The following UNC13B variants were observed in gnomAD, a reference collection of about 807,000 sequenced individuals.
UNC13B encodes protein unc-13 homolog B.
A neutral mutation model predicts 211.0 loss-of-function variants in UNC13B; 144 were observed. The ratio of observed to expected loss-of-function variants is 0.68; its 90% CI spans 0.60 to 0.78. The LOEUF is 0.78. UNC13B is among the 30% of genes least tolerant of loss of function. The probability of loss-of-function intolerance (pLI) is 0.00; values close to 1 mark genes in which losing one functional copy is unlikely to be tolerated. For synonymous variants in UNC13B, 709 were observed against 725.8 expected (o/e 0.98, Z 0.37); for missense variants, 1,777 against 2,002.0 (o/e 0.89, Z 2.14).
chr9:35,306,822 T>C lies in UNC13B; in HGVS notation c.7418T>C (p.Ile2473Thr), dbSNP rs1829947638. Residue 2473 changes from isoleucine (I) to threonine (T), a missense_variant, in exon 9 of 40, where the codon ATT (isoleucine) becomes ACT (threonine). Coordinates refer to ENST00000635942, the MANE Select transcript of UNC13B (RefSeq NM_001371189.2). Reference sequence around the variant, plus strand: ...GTGAAATCTTTCTCTGGGAGCTTAATTGAACCTCCCAAAACACTCTCTGGA... The same window carrying C: ...GTGAAATCTTTCTCTGGGAGCTTAACTGAACCTCCCAAAACACTCTCTGGA... ...TKVKSFSGSL[I>T]EPPKTLSGLF... 1 of 399,062 alleles carries C rather than the reference T, an allele frequency of 2.5e-6. No homozygotes were observed. The highest frequency in any genetic ancestry group is 4.4e-6 in the Non-Finnish European group (1 of 226,066). The allele number at this position is 399,062 out of a possible 1,614,324, so 24.7% of individuals were successfully genotyped here. A position where few individuals can be genotyped will look rare whatever the true frequency, so the allele number is the denominator to read the frequency against.
chr9:35,228,150 T>C, intron 2 of UNC13B, 106 bp downstream of exon 2: 6 of 1,038,980 alleles, frequency 5.8e-6, no homozygotes, highest in Non-Finnish European at 8.3e-6. Context: ...ATTTGATTCA[T>C]TACTTCACTA....
chr9:35,170,616 G>A (rs986248363), intron 1 of UNC13B, among the ~76,000 whole-genome samples: 1 of 151,678 alleles, frequency 6.6e-6, no homozygotes, highest in African/African-American at 2.4e-5. Context: ...CTACAGGTGT[G>A]AACTACCATG....
chr9:35,403,814 T>C lies in UNC13B; in HGVS notation c.12804T>C (p.Phe4268=). The change falls in exon 40 of 40, where the codon TTT becomes TTC. Residue 4268 remains phenylalanine, a synonymous_variant. Coordinates refer to ENST00000635942, the MANE Select transcript of UNC13B (RefSeq NM_001371189.2). ...AGATATGCGTGAAGGATTACTGCTTTGCCCGGGAAGATCGCGTGCTAGGGC... is the reference window on the plus strand; with the variant it reads ...AGATATGCGTGAAGGATTACTGCTTCGCCCGGGAAGATCGCGTGCTAGGGC... ...ELQICVKDYC[F]AREDRVLGLA... 3 of 1,614,150 alleles carry C rather than the reference T, an allele frequency of 1.9e-6. No homozygotes were observed. Among genetic ancestry groups the C allele is most frequent in the Non-Finnish European group, 2.5e-6 (3 of 1,180,014 alleles).
intron 22 of UNC13B, chr9:35,385,227 C>G (rs1308336728): frequency 3.0e-6 from 3 of 985,424 alleles, no homozygotes; most frequent in Non-Finnish European, 3.6e-6. Context: ...CAGTTCTGCT[C>G]AGAGATCTGC....
chr9:35,299,246 A>G (rs1267320906), intron 8 of UNC13B, among the ~76,000 whole-genome samples: 1 of 141,804 alleles, frequency 7.1e-6, no homozygotes, highest in African/African-American at 2.7e-5. Flanking sequence ...AAAAAATTAT[A>G]AGGCCTTAAA....
chr9:35,285,407 G>A (rs564987641), intron 7 of UNC13B, among the ~76,000 whole-genome samples: 11 of 152,224 alleles, frequency 7.2e-5, no homozygotes, highest in South Asian at 6.2e-4. Context: ...TTCTAAACAA[G>A]AGCCTCAAGT....
chr9:35,402,134 C>A, intron 37 of UNC13B: 1 of 809,846 alleles, frequency 1.2e-6, no homozygotes, highest in Non-Finnish European at 2.0e-6. Flanking sequence ...TATCTCAAGT[C>A]TTAGAGATGG....
chr9:35,256,072 A>G (rs1052149115), intron 6 of UNC13B, among the ~76,000 whole-genome samples: 1 of 152,192 alleles, frequency 6.6e-6, no homozygotes, highest in East Asian at 1.9e-4. Flanking sequence ...TTGCAAAGGC[A>G]GTTTTGTTAG....
chr9:35,167,586 G>GTT lies in UNC13B; in HGVS notation c.22+5299_22+5300dup, dbSNP rs35751450. Among the ~76,000 whole-genome samples, 474 of 114,982 alleles carry GTT rather than the reference G, an allele frequency of 4.1e-3. 13 individuals are homozygous for GTT. The highest frequency in any genetic ancestry group is 5.4e-3 in the Non-Finnish European group (304 of 56,248). The allele number at this position is 114,982 out of a possible 152,430, so 75.4% of individuals were successfully genotyped here. On this transcript the variant is annotated intron_variant, in intron 1 of 39. Coordinates refer to ENST00000635942, the MANE Select transcript of UNC13B (RefSeq NM_001371189.2). Reference sequence around the variant, plus strand: ...AGTGCTACAATGAACATCTTTGTAGGTTTTTTTTTTTTTTTTTTTGAGATG... The same window carrying GTT: ...AGTGCTACAATGAACATCTTTGTAGGTTTTTTTTTTTTTTTTTTTTTGAGATG...
intron 11 of UNC13B, among the ~76,000 whole-genome samples, chr9:35,341,481 C>T (rs1290855748): frequency 6.6e-6 from 1 of 152,180 alleles, no homozygotes. Flanking sequence ...GAAGGGAAGA[C>T]TCCCTTTGTA....
chr9:35,275,436 C>G (rs578099311), intron 7 of UNC13B, among the ~76,000 whole-genome samples: 1 of 152,092 alleles, frequency 6.6e-6, no homozygotes, highest in African/African-American at 2.4e-5. Flanking sequence ...CCCTCCTGTT[C>G]CTATTCCCCA....
intron 11 of UNC13B, among the ~76,000 whole-genome samples, chr9:35,325,841 T>G (rs2131934979): frequency 6.6e-6 from 1 of 152,376 alleles, no homozygotes; most frequent in East Asian, 1.9e-4. Flanking sequence ...CTACTGTGTC[T>G]GGATTCTTTT....
At chr9:35,172,912 C>A (rs562628013) in intron 1 of UNC13B, among the ~76,000 whole-genome samples, 1 of 152,148 alleles carries the variant, frequency 6.6e-6, no homozygotes, top group Non-Finnish European at 1.5e-5. Context: ...TATAGGTTTC[C>A]AAAAAGAAGA....
chr9:35,361,997 T>G (rs1384996197), intron 11 of UNC13B: 1 of 152,144 alleles, frequency 6.6e-6, no homozygotes, highest in Non-Finnish European at 1.5e-5. Context: ...TTGAAGCACT[T>G]TATGTGCTAC....
At chr9:35,220,838 G>A (rs1192552848) in intron 1 of UNC13B, among the ~76,000 whole-genome samples, 2 of 152,074 alleles carry the variant, frequency 1.3e-5, no homozygotes, top group Admixed American at 1.3e-4. Context: ...CCTCCAAACT[G>A]TTCTCTATAG....
chr9:35,164,757 A>G (rs184139870), intron 1 of UNC13B, among the ~76,000 whole-genome samples: 4 of 152,338 alleles, frequency 2.6e-5, no homozygotes, highest in Non-Finnish European at 4.4e-5. Flanking sequence ...TCTAAAATGT[A>G]TTCTTACTTT....
Position 35,319,455 on chromosome 9 carries a change from T to C in UNC13B, c.9414+5466T>C, listed in dbSNP as rs374022888. 7.3e-4 allele frequency among the ~76,000 whole-genome samples: 108 copies of C among 147,312 alleles called. 1 individual carries two copies. The South Asian group carries it at 0.018, about 25-fold the overall frequency. On this transcript the variant is annotated intron_variant, in intron 11 of 39. Coordinates refer to ENST00000635942, the MANE Select transcript of UNC13B (RefSeq NM_001371189.2). ...AAAAAAATTAGATACAGGGGATACC[T>C]GTGCAGGTTTGTTACATAGGTATTT... is the stretch of plus-strand genomic sequence containing the variant.
At chr9:35,360,340 A>G (rs1302992503) in intron 11 of UNC13B, among the ~76,000 whole-genome samples, 2 of 152,246 alleles carry the variant, frequency 1.3e-5, no homozygotes, top group East Asian at 3.8e-4. Context: ...TGGCTTTGCC[A>G]CTTGCTGGCA....
At position 35,237,819 on chromosome 9, in the gene UNC13B, G is replaced by T; in HGVS notation, c.387G>T (p.Leu129Phe). ...HKILLDTRFE[L>F]PFDIPEEEAR... ...TTTTGCTTGATACAAGATTTGAGTT[G>T]CCTTTTGGTGAGTAAAATTTTAAAA... Residue 129 changes from leucine (L) to phenylalanine (F), a missense_variant, in exon 5 of 40, where the codon TTG becomes TTT. Physicochemically the swap from Leu to Phe is conservative, Grantham distance 22 (BLOSUM62 0). Transcript: ENST00000635942. The T allele has an allele frequency of 6.2e-7, 1 of 1,602,456 alleles. No homozygotes were observed. Among genetic ancestry groups the T allele is most frequent in the South Asian group, 1.1e-5 (1 of 88,854 alleles).
Sources: allele counts gnomAD v4.1 joint callset (sites outside exome capture counted in the v4.1 genomes callset), GRCh38; gene constraint gnomAD v4.1.1; transcripts MANE v1.5; gene names NCBI Gene and HGNC (gene_info 2026-07-23, HGNC 2026-07-21).